Variants in CCDC73 observed in about 807,000 individuals in gnomAD.
The protein encoded by CCDC73 is coiled-coil domain containing 73, also known as coiled-coil domain-containing protein 73.
Under a neutral mutation model 116.5 loss-of-function variants are expected in CCDC73, and 95 were observed. The observed-to-expected ratio is 0.82, with a 90% CI of 0.69 to 0.97. The LOEUF (loss-of-function observed/expected upper bound fraction) is 0.97. Among genes scored for constraint, CCDC73 ranks in the 50% least tolerant of loss-of-function variants. CCDC73 has a pLI of 0.00. For missense variants in CCDC73, 1,066 were observed against 1,206.8 expected (o/e 0.88, Z 1.73); for synonymous variants, 398 against 401.3 (o/e 0.99, Z 0.10).
chr11:32,745,137 TA>T lies in CCDC73; in HGVS notation c.135+14971del, dbSNP rs558720024. On this transcript the variant is annotated intron_variant, in intron 2 of 17. Transcript: ENST00000335185. Reference sequence around the variant, plus strand: ...TCTCATTGGTTTCAAAGAACATCTTTATTTCTGCCTTCATTTCGTTATGGAC... The same window carrying T: ...TCTCATTGGTTTCAAAGAACATCTTTTTTCTGCCTTCATTTCGTTATGGAC... Among the ~76,000 whole-genome samples the T allele has an allele frequency of 2.0e-3, 301 of 152,328 alleles. 4 individuals carry two copies. The highest frequency in any genetic ancestry group is 5.8e-3 in the Admixed American group (89 of 15,294).
At chr11:32,671,197 T>C (rs1462020368) in intron 9 of CCDC73, among the ~76,000 whole-genome samples, 1 of 152,086 alleles carries the variant, frequency 6.6e-6, no homozygotes, top group Non-Finnish European at 1.5e-5. Context: ...CCCCTCCCTT[T>C]CTGGTATGGG....
chr11:32,806,864 G>A, the CCDC73 span, among the ~76,000 whole-genome samples: 1 of 152,176 alleles, frequency 6.6e-6, no homozygotes, highest in Non-Finnish European at 1.5e-5. Context: ...GCATCTGTTT[G>A]ATTCTGGTAC....
chr11:32,826,365 C>T, the CCDC73 span, among the ~76,000 whole-genome samples: 2 of 152,138 alleles, frequency 1.3e-5, no homozygotes, highest in Non-Finnish European at 2.9e-5. Context: ...CATCGATGTG[C>T]CTTTAAGGAT....
At chr11:32,761,338 G>T (rs1394431122) in intron 1 of CCDC73, among the ~76,000 whole-genome samples, 6 of 152,046 alleles carry the variant, frequency 3.9e-5, no homozygotes, top group African/African-American at 1.4e-4. Context: ...CTCACCCACT[G>T]AATAACATTT....
chr11:32,817,401 A>C, the CCDC73 span, among the ~76,000 whole-genome samples: 1 of 152,196 alleles, frequency 6.6e-6, no homozygotes, highest in Non-Finnish European at 1.5e-5. Context: ...AAGTTAAACC[A>C]ATGTATCACC....
chr11:32,646,458 A>G (rs1855779667), intron 12 of CCDC73, among the ~76,000 whole-genome samples: 1 of 152,210 alleles, frequency 6.6e-6, no homozygotes. Context: ...TGATTCTACC[A>G]ATACTCGGCA....
At chr11:32,796,909 C>T (rs968545767), upstream of CCDC73, among the ~76,000 whole-genome samples, 3 of 149,466 alleles carry the variant, frequency 2.0e-5, no homozygotes, top group East Asian at 4.0e-4. Flanking sequence ...CTGCTCCGGA[C>T]GCTGAGGCGT....
chr11:32,713,191 G>C (rs1849917151), intron 3 of CCDC73, among the ~76,000 whole-genome samples: 1 of 152,062 alleles, frequency 6.6e-6, no homozygotes, highest in East Asian at 1.9e-4. Flanking sequence ...AAAAATATCA[G>C]GCAGGATATA....
rs12223202 is a variant in CCDC73, at chr11:32,658,427, T to C, written c.646-3455A>G. ...GAATTATGCTAATGGCAACAAAGAA[T>C]TTTGGCTAAAATAGAATGGAAGATG... On this transcript the variant is annotated intron_variant, in intron 9 of 17. Coordinates refer to ENST00000335185, the MANE Select transcript of CCDC73 (RefSeq NM_001008391.4). Among the ~76,000 whole-genome samples the C allele has an allele frequency of 4.0e-3, 603 of 152,292 alleles. 31 individuals are homozygous for C. In the East Asian group the frequency reaches 0.1, roughly 25 times the overall value.
At chr11:32,735,239 T>C (rs1264529778) in intron 2 of CCDC73, among the ~76,000 whole-genome samples, 2 of 152,232 alleles carry the variant, frequency 1.3e-5, no homozygotes, top group Non-Finnish European at 2.9e-5. Flanking sequence ...TGTCCCTGTT[T>C]GCAGATGACA....
intron 2 of CCDC73, among the ~76,000 whole-genome samples, chr11:32,726,684 TAGGCTTG>T (rs1287147745): frequency 3.3e-5 from 5 of 152,172 alleles, no homozygotes; most frequent in Admixed American, 3.3e-4. Flanking sequence ...AAATCAATTA[TAGGCTTG>T]GCCAGAAAGC....
chr11:32,613,888 C>A lies in CCDC73; in HGVS notation c.2430G>T (p.Lys810Asn). Residue 810 changes from lysine (K) to asparagine (N), a missense_variant, in exon 16 of 18, where the codon AAG becomes AAT. By Grantham distance (94) the Lys-to-Asn change is moderately conservative. Coordinates refer to ENST00000335185, the MANE Select transcript of CCDC73 (RefSeq NM_001008391.4). Reference sequence around the variant, plus strand: ...TTACCTGATTCTCATCAATCTGATTCTTTTTATTGGAAAACTCTGTTTCTG... The same window carrying A: ...TTACCTGATTCTCATCAATCTGATTATTTTTATTGGAAAACTCTGTTTCTG... ...TCTETEFSNK[K>N]NQIDENQVTE... 6.2e-7 allele frequency: 1 copy of A among 1,613,108 alleles called. No individual in the cohort carries two copies. Among genetic ancestry groups the A allele is most frequent in the Non-Finnish European group, 8.5e-7 (1 of 1,179,866 alleles).
chr11:32,650,967 C>T (rs1456702553), intron 12 of CCDC73, among the ~76,000 whole-genome samples: 1 of 152,090 alleles, frequency 6.6e-6, no homozygotes, highest in Non-Finnish European at 1.5e-5. Flanking sequence ...TGTCATGGTG[C>T]TTTTTATTTT....
intron 1 of CCDC73, among the ~76,000 whole-genome samples, chr11:32,775,782 T>C (rs558726553): frequency 3.3e-5 from 5 of 152,256 alleles, no homozygotes; most frequent in Non-Finnish European, 7.4e-5. Flanking sequence ...TTTTTGTACC[T>C]ACTTTCTTAT....
chr11:32,628,360 A>G (rs767542928), intron 14 of CCDC73, among the ~76,000 whole-genome samples: 2 of 152,212 alleles, frequency 1.3e-5, no homozygotes, highest in Non-Finnish European at 2.9e-5. Flanking sequence ...TTTGTGAGGC[A>G]ATGTACTGAA....
intron 13 of CCDC73, among the ~76,000 whole-genome samples, chr11:32,641,525 A>G (rs1000511351): frequency 6.6e-5 from 10 of 152,060 alleles, no homozygotes; most frequent in African/African-American, 2.2e-4. Flanking sequence ...CAACTACTGC[A>G]CACATGTTCT....
At chr11:32,696,918 C>T (rs544764196) in intron 6 of CCDC73, among the ~76,000 whole-genome samples, 1 of 151,632 alleles carries the variant, frequency 6.6e-6, no homozygotes, top group African/African-American at 2.4e-5. Context: ...CAGCCTCGAC[C>T]TTGTGGGCTC....
chr11:32,642,825 A>G (rs1855744972), intron 12 of CCDC73, among the ~76,000 whole-genome samples: 1 of 151,916 alleles, frequency 6.6e-6, no homozygotes, highest in Non-Finnish European at 1.5e-5. Flanking sequence ...TTACAAAGCT[A>G]TGCACATTCA....
intron 2 of CCDC73, among the ~76,000 whole-genome samples, chr11:32,733,181 TATA>T (rs1321229629): frequency 6.6e-6 from 1 of 152,138 alleles, no homozygotes; most frequent in Non-Finnish European, 1.5e-5. Flanking sequence ...AAGGCCATTA[TATA>T]ATGGCAAAGG....
Sources: allele counts gnomAD v4.1 joint callset (sites outside exome capture counted in the v4.1 genomes callset), GRCh38; gene constraint gnomAD v4.1.1; transcripts MANE v1.5; gene names NCBI Gene and HGNC (gene_info 2026-07-23, HGNC 2026-07-21).